DNAJC5: variants seen among roughly 807,000 people sequenced by gnomAD.
The protein encoded by DNAJC5 is dnaJ homolog subfamily C member 5.
DNAJC5 carries 1 observed loss-of-function variant against 23.2 expected under a neutral mutation model. The ratio of observed to expected loss-of-function variants is 0.04; its 90% confidence interval spans 0.02 to 0.20. The LOEUF is 0.20. Among genes scored for constraint, DNAJC5 ranks in the 10% least tolerant of loss-of-function variants. DNAJC5 has a pLI of 1.00. For missense variants in DNAJC5, 180 were observed against 267.0 expected, an observed-to-expected ratio of 0.67 and a Z score of 2.27; for synonymous variants, 136 against 120.0, an observed-to-expected ratio of 1.13 and a Z score of -0.87.
chr20:63,917,665 C>G (rs2053524171), intron 1 of DNAJC5, among the ~76,000 whole-genome samples: 1 of 152,136 alleles, frequency 6.6e-6, no homozygotes, highest in South Asian at 2.1e-4. Context: ...AAGCGATTTT[C>G]CTGCCTCAGC....
At chr20:63,895,369 C>T (rs1600855005) in intron 1 of DNAJC5, 46 bp downstream of exon 1, 1 of 145,206 alleles carries the variant, frequency 6.9e-6, no homozygotes, top group Non-Finnish European at 1.5e-5. Flanking sequence ...CACGTCAGGC[C>T]CGGGCAGGCG....
chr20:63,920,982 G>A lies in DNAJC5; in HGVS notation c.-11-7353G>A, dbSNP rs1486773394. Among the ~76,000 whole-genome samples the A allele has an allele frequency of 3.3e-5, 5 of 151,816 alleles. No individual in the cohort carries two copies. The highest frequency in any genetic ancestry group is 1.3e-4 in the Admixed American group (2 of 15,220). On this transcript the variant is annotated intron_variant, in intron 1 of 4. Transcript: ENST00000360864. This position sits in a 1 kb window ranked among gnomAD's most constrained non-coding sequence, Gnocchi z 4.6. ...TTTTTATTTTGTTTTGTTTTGAGAC[G>A]GAGTTTCACTATTGTTACGCAGACT...
At chr20:63,922,876 A>C (rs1008989317) in intron 1 of DNAJC5, among the ~76,000 whole-genome samples, 7 of 152,180 alleles carry the variant, frequency 4.6e-5, no homozygotes, top group Admixed American at 6.5e-5. Context: ...ATGGTGGCTC[A>C]TGCCTGTAAT....
intron 1 of DNAJC5, among the ~76,000 whole-genome samples, chr20:63,902,426 C>T (rs562190974): frequency 1.6e-5 from 2 of 127,984 alleles, no homozygotes; most frequent in East Asian, 2.5e-4. Flanking sequence ...TGGAGTGCAA[C>T]GGTGTGATCT....
chr20:63,917,680 T>C (rs765889320), intron 1 of DNAJC5, among the ~76,000 whole-genome samples: 1 of 152,114 alleles, frequency 6.6e-6, no homozygotes, highest in Non-Finnish European at 1.5e-5. Context: ...CTCAGCCTCC[T>C]GAGTAGCTGG....
chr20:63,914,862 C>T (rs1354435885), intron 1 of DNAJC5, among the ~76,000 whole-genome samples: 2 of 152,164 alleles, frequency 1.3e-5, no homozygotes, highest in Admixed American at 6.6e-5. Context: ...GTGATCTGCC[C>T]TCCTCGGCCT....
chr20:63,929,205 C>A lies in DNAJC5; in HGVS notation c.108-107C>A. Reference sequence around the variant, plus strand: ...CGGACAGTGAGGTGGCCTGGGTGGACCTGCCTTCCACTGCACCCGGCAGTG... The same window carrying A: ...CGGACAGTGAGGTGGCCTGGGTGGAACTGCCTTCCACTGCACCCGGCAGTG... On this transcript the variant is annotated intron_variant, in intron 2 of 4. Coordinates refer to ENST00000360864, the MANE Select transcript of DNAJC5 (RefSeq NM_025219.3). The surrounding 1 kb of genome is among the most constrained non-coding windows in gnomAD (Gnocchi z 8.6). 7.5e-7 allele frequency: 1 copy of A among 1,338,462 alleles called. No homozygotes were observed. 82.9% of individuals were successfully genotyped at this position (1,338,462 alleles called of 1,614,324 possible). A position where few individuals can be genotyped will look rare whatever the true frequency, so the allele number is the denominator to read the frequency against.
Position 63,928,210 on chromosome 20 carries a change from C to A in DNAJC5, c.-11-125C>A. On this transcript the variant is annotated intron_variant, in intron 1 of 4. Transcript: ENST00000360864. This position sits in a 1 kb window ranked among gnomAD's most constrained non-coding sequence, Gnocchi z 4.6. ...CCATGGCGTCTGTCTGTGCACGTGG[C>A]AAACTCCACAAGGCAGTGTTGGATT... The A allele has an allele frequency of 5.1e-6, 4 of 784,996 alleles. No homozygotes were observed. Among genetic ancestry groups the A allele is most frequent in the Non-Finnish European group, 8.6e-6 (4 of 464,778 alleles). The allele number at this position is 784,996 out of a possible 1,614,324, so 48.6% of individuals were successfully genotyped here. A position where few individuals can be genotyped will look rare whatever the true frequency, so the allele number is the denominator to read the frequency against.
Position 63,931,468 on chromosome 20 carries a change from C to G in DNAJC5, c.497C>G (p.Ala166Gly), listed in dbSNP as rs747758089. 1.3e-6 allele frequency: 2 copies of G among 1,557,204 alleles called. No individual in the cohort carries two copies. Among genetic ancestry groups the G allele is most frequent in the Non-Finnish European group, 1.7e-6 (2 of 1,157,212 alleles). The change falls in exon 5 of 5, where the codon GCC becomes GGC. Residue 166 changes from alanine to glycine, a missense_variant. Physicochemically the swap from Ala to Gly is moderately conservative, Grantham distance 60 (BLOSUM62 0). Transcript: ENST00000360864. The surrounding 1 kb of genome is among the most constrained non-coding windows in gnomAD (Gnocchi z 9.6). ...GCCCTGTGTGCTTGCTTTTCAGAGG[C>G]CACAGACACGCCGATCGTCATACAG... ...EAQLQSDERE[A>G]TDTPIVIQPA...
chr20:63,923,214 G>C (rs1383236180), intron 1 of DNAJC5, among the ~76,000 whole-genome samples: 1 of 151,962 alleles, frequency 6.6e-6, no homozygotes, highest in Non-Finnish European at 1.5e-5. Flanking sequence ...CTGGCACTTT[G>C]GGAGGCTGAG....
chr20:63,916,477 C>G (rs1340812909), intron 1 of DNAJC5, among the ~76,000 whole-genome samples: 2 of 152,148 alleles, frequency 1.3e-5, no homozygotes, highest in African/African-American at 4.8e-5. Context: ...GAGTAGGTCA[C>G]AAGATCACAT....
At chr20:63,930,721 T>C in intron 3 of DNAJC5, 130 bp from the exon 4 acceptor site, 1 of 1,426,074 alleles carries the variant, frequency 7.0e-7, no homozygotes, top group African/African-American at 1.4e-5. Context: ...TTCCTTCTGC[T>C]TCCTGTCTGG....
chr20:63,912,175 T>C (rs963484287), intron 1 of DNAJC5, among the ~76,000 whole-genome samples: 5 of 151,958 alleles, frequency 3.3e-5, no homozygotes, highest in African/African-American at 1.2e-4. Flanking sequence ...TGGCGGCAGA[T>C]GCCTGTGATC....
In DNAJC5 at chr20:63,934,579, A is replaced by G. The variant is rs1162358700; in HGVS notation, c.*3011A>G. 3.9e-5 allele frequency: 6 copies of G among 152,246 alleles called. No individual in the cohort carries two copies. The highest frequency in any genetic ancestry group is 3.9e-4 in the Admixed American group (6 of 15,288). The allele number at this position is 152,246 out of a possible 1,614,324, so 9.4% of individuals were successfully genotyped here. A position where few individuals can be genotyped will look rare whatever the true frequency, so the allele number is the denominator to read the frequency against. ...GCCCTTTCACGGCAGCTGCTGCTGT[A>G]TAGATTTGTCTCCACTCAGTGACGT... is the stretch of plus-strand genomic sequence containing the variant. On this transcript the variant is annotated 3_prime_UTR_variant, in exon 5 of 5. Transcript: ENST00000360864.
rs1273928991 is a variant in DNAJC5, at chr20:63,930,029, T to G, written c.321+504T>G. Among the ~76,000 whole-genome samples the G allele has an allele frequency of 3.3e-5, 5 of 152,350 alleles. No individual in the cohort carries two copies. The East Asian group carries it at 9.7e-4, about 29-fold the overall frequency. ...TTCGTGAGACAGGAGGAAATAAGCCTCGATGTTACATCCGCATTTCTTCGT... is the reference window on the plus strand; with the variant it reads ...TTCGTGAGACAGGAGGAAATAAGCCGCGATGTTACATCCGCATTTCTTCGT... On this transcript the variant is annotated intron_variant, in intron 3 of 4. Transcript: ENST00000360864.
At position 63,935,817 on chromosome 20, in the gene DNAJC5, G is replaced by C. The variant is rs1429675945; in HGVS notation, c.*4249G>C. On this transcript the variant is annotated 3_prime_UTR_variant, in exon 5 of 5. Transcript: ENST00000360864. ...TTTAAAAATCAAATGCACACGCATG[G>C]AAGCTGCTTGTCCATGCACTGGTTT... The C allele has an allele frequency of 1.3e-5, 2 of 152,262 alleles. No individual in the cohort carries two copies. Among genetic ancestry groups the C allele is most frequent in the African/African-American group, 4.8e-5 (2 of 41,460 alleles). The allele number at this position is 152,262 out of a possible 1,614,324, so 9.4% of individuals were successfully genotyped here.
At chr20:63,896,898 GA>G (rs1447181649) in intron 1 of DNAJC5, among the ~76,000 whole-genome samples, 1 of 152,138 alleles carries the variant, frequency 6.6e-6, no homozygotes, top group Non-Finnish European at 1.5e-5. Context: ...TTGTCACCCG[GA>G]AGTCCTTGTC....
chr20:63,901,230 G>T (rs902567636), intron 1 of DNAJC5, among the ~76,000 whole-genome samples: 11 of 152,320 alleles, frequency 7.2e-5, no homozygotes, highest in Admixed American at 5.2e-4. Flanking sequence ...CTCCCAAGGT[G>T]CTGGGTTTAC....
At chr20:63,915,327 A>C (rs1218901936) in intron 1 of DNAJC5, among the ~76,000 whole-genome samples, 1 of 151,684 alleles carries the variant, frequency 6.6e-6, no homozygotes, top group Admixed American at 6.6e-5. Context: ...GACTTGGAGG[A>C]GGGCTGTTGT....
Sources: allele counts gnomAD v4.1 joint callset (sites outside exome capture counted in the v4.1 genomes callset), GRCh38; gene constraint gnomAD v4.1.1; non-coding constraint Gnocchi (gnomAD v3.1); transcripts MANE v1.5; gene names NCBI Gene and HGNC (gene_info 2026-07-23, HGNC 2026-07-21).